The following ARHGAP29 variants were observed in gnomAD, a reference collection of about 807,000 sequenced individuals.
The protein encoded by ARHGAP29 is rho GTPase-activating protein 29.
In ARHGAP29, 43 loss-of-function variants were observed where a neutral mutation model predicts 122.6. That is an observed-to-expected ratio of 0.35 (90% confidence interval 0.27 to 0.45). The LOEUF (loss-of-function observed/expected upper bound fraction) is 0.45. ARHGAP29 is among the 20% of genes least tolerant of loss of function. The pLI, the probability that ARHGAP29 is intolerant of heterozygous loss-of-function variation, is 1.00. For synonymous variants in ARHGAP29, 506 were observed against 497.1 expected, an observed-to-expected ratio of 1.02 and a Z score of -0.24; for missense variants, 1,303 against 1,477.2, an observed-to-expected ratio of 0.88 and a Z score of 1.93.
chr1:94,196,292 C>T (rs560772409), intron 12 of ARHGAP29, among the ~76,000 whole-genome samples: 9 of 110,440 alleles, frequency 8.1e-5, no homozygotes, highest in East Asian at 5.6e-4. Context: ...GACGGAGTCT[C>T]GCTCTGTCGC....
Position 94,171,260 on chromosome 1 carries a change from T to C in ARHGAP29, c.*2609A>G, listed in dbSNP as rs980980173. Among the ~76,000 whole-genome samples the C allele has an allele frequency of 1.3e-5, 2 of 152,192 alleles. No homozygotes were observed. Among genetic ancestry groups the C allele is most frequent in the Non-Finnish European group, 2.9e-5 (2 of 68,034 alleles). ...TAGGCAACAAGTCTCAGGGATCATA[T>C]AGTCTTTGTCTCTGTATCAAAACAA... On this transcript the variant is annotated 3_prime_UTR_variant, in exon 23 of 23. Transcript: ENST00000260526.
At chr1:94,282,771 A>G in the ARHGAP29 span, among the ~76,000 whole-genome samples, 1 of 152,154 alleles carries the variant, frequency 6.6e-6, no homozygotes, top group Non-Finnish European at 1.5e-5. Context: ...TTAGAGAGCT[A>G]TGGACTGCTT....
chr1:94,272,534 C>G (rs758608868), intron 1 of ARHGAP29, among the ~76,000 whole-genome samples: 7 of 152,232 alleles, frequency 4.6e-5, no homozygotes, highest in Admixed American at 1.3e-4. Context: ...TTCAAGGTCA[C>G]AGTCTACCTA....
chr1:94,289,919 T>C, the ARHGAP29 span, among the ~76,000 whole-genome samples: 1 of 152,230 alleles, frequency 6.6e-6, no homozygotes, highest in Non-Finnish European at 1.5e-5. Flanking sequence ...GATTTTTGCA[T>C]TGATGTTCAT....
chr1:94,245,529 A>C (rs2100683975), intron 1 of ARHGAP29, among the ~76,000 whole-genome samples: 1 of 152,328 alleles, frequency 6.6e-6, no homozygotes, highest in African/African-American at 2.4e-5. Context: ...ATATGAACCT[A>C]ATCTTAAATG....
At chr1:94,277,004 C>T (rs1655216257), upstream of ARHGAP29, among the ~76,000 whole-genome samples, 1 of 152,098 alleles carries the variant, frequency 6.6e-6, no homozygotes, top group Admixed American at 6.5e-5. Context: ...GTGGGTGTAA[C>T]TCCCCATAGC....
chr1:94,298,396 A>C, the ARHGAP29 span, among the ~76,000 whole-genome samples: 1 of 152,106 alleles, frequency 6.6e-6, no homozygotes, highest in Admixed American at 6.5e-5. Context: ...TCAGCATCTA[A>C]ATTCTTCATT....
At chr1:94,275,957 TAA>T (rs60193789), upstream of ARHGAP29, among the ~76,000 whole-genome samples, 91 of 148,564 alleles carry the variant, frequency 6.1e-4, no homozygotes, top group African/African-American at 2.1e-3. Flanking sequence ...TTTTCAACCT[TAA>T]AAAAAAAAAG....
intron 1 of ARHGAP29, among the ~76,000 whole-genome samples, chr1:94,261,819 G>A (rs911952776): frequency 6.6e-6 from 1 of 152,248 alleles, no homozygotes; most frequent in Admixed American, 6.5e-5. Context: ...CATTAAAAAG[G>A]CCATATTGCC....
intron 1 of ARHGAP29, among the ~76,000 whole-genome samples, chr1:94,273,310 C>A (rs1461695315): frequency 6.6e-6 from 1 of 152,236 alleles, no homozygotes; most frequent in Admixed American, 6.5e-5. Context: ...GTCTGCAGTA[C>A]TCTGCAGGAC....
At chr1:94,263,301 A>G (rs982145963) in intron 1 of ARHGAP29, among the ~76,000 whole-genome samples, 4 of 152,086 alleles carry the variant, frequency 2.6e-5, no homozygotes, top group Non-Finnish European at 5.9e-5. Flanking sequence ...AGTAGACGTA[A>G]TACCTGGGTG....
chr1:94,173,993 C>T lies in ARHGAP29; in HGVS notation c.3662G>A (p.Gly1221Asp). ...KASACPGQAT[G>D]QPKEDSEELG... ...CTCCTCAGAGTCTTCTTTAGGTTGA[C>T]CAGTTGCTTGCCCAGGACAAGCTGA... The change falls in exon 23 of 23, where the codon GGT becomes GAT. Residue 1221 changes from glycine (G) to aspartate (D), a missense_variant. This residue lies in a region of ARHGAP29 where 620 missense variants were observed against 651.2 expected (regional missense o/e 0.95). Transcript: ENST00000260526. The T allele has an allele frequency of 1.2e-6, 2 of 1,614,168 alleles. No homozygotes were observed.
At chr1:94,201,669 T>C in intron 12 of ARHGAP29, 51 bp downstream of exon 12, 1 of 1,604,726 alleles carries the variant, frequency 6.2e-7, no homozygotes, top group Non-Finnish European at 8.5e-7. Context: ...CACCATGCCT[T>C]GCCTGATGGT....
the ARHGAP29 span, among the ~76,000 whole-genome samples, chr1:94,308,369 C>A: frequency 6.6e-6 from 1 of 152,172 alleles, no homozygotes; most frequent in African/African-American, 2.4e-5. Flanking sequence ...TCCCCAAGAT[C>A]TTGGTCTGGG....
intron 1 of ARHGAP29, among the ~76,000 whole-genome samples, chr1:94,236,548 C>T (rs1343651505): frequency 6.6e-6 from 1 of 152,106 alleles, no homozygotes; most frequent in Admixed American, 6.5e-5. Flanking sequence ...CAGGTAATAT[C>T]CTGCCCTCCG....
Position 94,189,976 on chromosome 1 carries a change from G to C in ARHGAP29, c.1389C>G (p.Tyr463Ter). The change falls in exon 13 of 23, where the codon TAC becomes TAG. Residue 463 changes from tyrosine (Y) to a stop codon, truncating the protein, a stop_gained. Transcript: ENST00000260526. LOFTEE classifies it high-confidence loss of function. ...AATTTGTGGCCTTGACAAATTCACT[G>C]TACTCTTGGCCTGGGTCATAGAGTT... ...SAKLYDPGQE[Y>*]SEFVKATNST... 1 of 1,613,366 alleles carries C rather than the reference G, an allele frequency of 6.2e-7. No individual in the cohort carries two copies.
At chr1:94,185,248 A>C in intron 17 of ARHGAP29, 94 bp downstream of exon 17, 2 of 1,367,012 alleles carry the variant, frequency 1.5e-6, no homozygotes, top group Non-Finnish European at 2.0e-6. Context: ...TATTAAACAT[A>C]TATTTGCAAA....
intron 1 of ARHGAP29, among the ~76,000 whole-genome samples, chr1:94,264,753 TC>T (rs1457627287): frequency 6.6e-6 from 1 of 152,130 alleles, no homozygotes; most frequent in Non-Finnish European, 1.5e-5. Context: ...TCTCACCCCA[TC>T]CCCGGTCTTT....
At chr1:94,255,287 T>C (rs925353933) in intron 1 of ARHGAP29, among the ~76,000 whole-genome samples, 2 of 152,188 alleles carry the variant, frequency 1.3e-5, no homozygotes, top group South Asian at 4.1e-4. Flanking sequence ...TGGCCATCTA[T>C]CTACAAGTTG....
Sources: allele counts gnomAD v4.1 joint callset (sites outside exome capture counted in the v4.1 genomes callset), GRCh38; gene constraint gnomAD v4.1.1; regional missense constraint gnomAD v4.1.1; transcripts MANE v1.5; gene names NCBI Gene and HGNC (gene_info 2026-07-23, HGNC 2026-07-21).